Variants in CTTNBP2 observed in about 807,000 individuals in gnomAD.
CTTNBP2 encodes cortactin binding protein 2.
Under a neutral mutation model 156.9 loss-of-function variants are expected in CTTNBP2, and 108 were observed. The ratio of observed to expected loss-of-function variants is 0.69; its 90% CI spans 0.59 to 0.81. The LOEUF is 0.81. CTTNBP2 is among the 30% of genes least tolerant of loss of function. CTTNBP2 has a pLI of 0.00. For missense variants in CTTNBP2, 1,924 were observed against 2,035.4 expected, an observed-to-expected ratio of 0.95 and a Z score of 1.05; for synonymous variants, 767 against 751.8, an observed-to-expected ratio of 1.02 and a Z score of -0.33.
intron 12 of CTTNBP2, among the ~76,000 whole-genome samples, chr7:117,750,816 G>A (rs747266690): frequency 1.3e-5 from 2 of 152,160 alleles, no homozygotes; most frequent in Non-Finnish European, 2.9e-5. Context: ...AGATAGATAC[G>A]TAGGCAGATC....
intron 2 of CTTNBP2, among the ~76,000 whole-genome samples, chr7:117,854,366 G>C (rs995552000): frequency 5.3e-5 from 8 of 152,174 alleles, no homozygotes; most frequent in South Asian, 2.1e-4. Flanking sequence ...TAAAAAGCCA[G>C]ATTGTTATTC....
rs1796130610 is a variant in CTTNBP2, at chr7:117,743,518, G to T, written c.3535+2313C>A. Among the ~76,000 whole-genome samples, 3 of 151,970 alleles carry T rather than the reference G, an allele frequency of 2.0e-5. No individual in the cohort carries two copies. The South Asian group carries it at 6.3e-4, about 32-fold the overall frequency. ...TTTCATGTTTATAAATCAGGGATGG[G>T]ACTGTATCTGCCTCAGAAAGTTGTG... On this transcript the variant is annotated intron_variant, in intron 14 of 22. Transcript: ENST00000160373.
At chr7:117,746,179 CT>C (rs1242796789) in intron 12 of CTTNBP2, 80 bp from the exon 13 acceptor site, 3 of 914,020 alleles carry the variant, frequency 3.3e-6, no homozygotes, top group Admixed American at 2.0e-5. Flanking sequence ...GTGTGGAATT[CT>C]TTTTTGATTG....
intron 16 of CTTNBP2, 134 bp from the exon 17 acceptor site, chr7:117,728,401 G>T: frequency 1.5e-6 from 1 of 658,400 alleles, no homozygotes. Context: ...ACTTGGGATG[G>T]CTGAAGGAGG....
intron 2 of CTTNBP2, among the ~76,000 whole-genome samples, chr7:117,839,990 A>G (rs1376054753): frequency 1.3e-5 from 2 of 152,326 alleles, no homozygotes; most frequent in African/African-American, 2.4e-5. Flanking sequence ...CTCCAAATTT[A>G]TGTGGGATAT....
At chr7:117,805,083 A>G (rs1799851251) in intron 3 of CTTNBP2, among the ~76,000 whole-genome samples, 1 of 152,172 alleles carries the variant, frequency 6.6e-6, no homozygotes, top group Non-Finnish European at 1.5e-5. Context: ...TTTTTGAAGC[A>G]TGAACTAGGT....
At chr7:117,858,141 C>T (rs1404804071) in intron 2 of CTTNBP2, among the ~76,000 whole-genome samples, 1 of 152,178 alleles carries the variant, frequency 6.6e-6, no homozygotes, top group East Asian at 1.9e-4. Flanking sequence ...AAGGCCAAGG[C>T]GGGCAGATCA....
intron 1 of CTTNBP2, among the ~76,000 whole-genome samples, chr7:117,862,318 G>A (rs953974716): frequency 5.3e-5 from 8 of 151,728 alleles, no homozygotes; most frequent in African/African-American, 1.5e-4. Context: ...GGGGTGGGGT[G>A]GGGGGGCGGT....
At chr7:117,846,814 TA>T (rs1292460347) in intron 2 of CTTNBP2, among the ~76,000 whole-genome samples, 1 of 152,134 alleles carries the variant, frequency 6.6e-6, no homozygotes, top group African/African-American at 2.4e-5. Context: ...ACTGGCTTCT[TA>T]AACATTGTGA....
At chr7:117,752,362 G>GGTT (rs1796659494) in intron 12 of CTTNBP2, among the ~76,000 whole-genome samples, 1 of 151,854 alleles carries the variant, frequency 6.6e-6, no homozygotes, top group Admixed American at 6.6e-5. Flanking sequence ...TAAAACACGA[G>GGTT]GTTTCAAATA....
Position 117,746,026 on chromosome 7 carries a change from G to C in CTTNBP2, c.3422C>G (p.Ala1141Gly). 1 of 1,613,924 alleles carries C rather than the reference G, an allele frequency of 6.2e-7. No homozygotes were observed. The highest frequency in any genetic ancestry group is 8.5e-7 in the Non-Finnish European group (1 of 1,179,776). Reference sequence around the variant, plus strand: ...AGTAATCAATACCTTCAGGCAGAGTGCAAGCTGATGTACTATGTAGTCTTG... The same window carrying C: ...AGTAATCAATACCTTCAGGCAGAGTCCAAGCTGATGTACTATGTAGTCTTG... ...SLQDYIVHQL[A>G]LCLKHRQMAA... Residue 1141 changes from alanine (A) to glycine (G), a missense_variant, in exon 13 of 23, where the codon GCA becomes GGA. By Grantham distance (60) the Ala-to-Gly change is moderately conservative. Transcript: ENST00000160373.
intron 14 of CTTNBP2, among the ~76,000 whole-genome samples, chr7:117,744,278 C>T (rs57492911): frequency 6.6e-6 from 1 of 150,626 alleles, no homozygotes; most frequent in Admixed American, 6.6e-5. Context: ...CTCATTCATT[C>T]TTTCTATTTT....
chr7:117,822,790 T>G (rs988930643), intron 2 of CTTNBP2, among the ~76,000 whole-genome samples: 2 of 152,224 alleles, frequency 1.3e-5, no homozygotes, highest in African/African-American at 4.8e-5. Context: ...ATGCACCACA[T>G]GCACTTAACC....
intron 20 of CTTNBP2, among the ~76,000 whole-genome samples, chr7:117,720,536 A>G (rs1794725678): frequency 6.6e-6 from 1 of 152,150 alleles, no homozygotes; most frequent in Admixed American, 6.5e-5. Flanking sequence ...TCTACTAAAA[A>G]TACAAAAATT....
At chr7:117,766,358 T>C (rs892410414) in intron 9 of CTTNBP2, among the ~76,000 whole-genome samples, 1 of 152,222 alleles carries the variant, frequency 6.6e-6, no homozygotes, top group Non-Finnish European at 1.5e-5. Context: ...ACAGTTTGCA[T>C]ATATGCTTCC....
At chr7:117,712,738 C>A (rs1794126728) in intron 22 of CTTNBP2, among the ~76,000 whole-genome samples, 1 of 152,146 alleles carries the variant, frequency 6.6e-6, no homozygotes. Context: ...ATTGGAATCA[C>A]CTGGGGGAGC....
chr7:117,822,650 AC>A (rs1801036790), intron 2 of CTTNBP2, among the ~76,000 whole-genome samples: 1 of 152,218 alleles, frequency 6.6e-6, no homozygotes, highest in Admixed American at 6.5e-5. Flanking sequence ...TTTTAAATCC[AC>A]AGATACTTGG....
At chr7:117,778,283 GA>G (rs1289807940) in intron 7 of CTTNBP2, among the ~76,000 whole-genome samples, 1 of 152,050 alleles carries the variant, frequency 6.6e-6, no homozygotes, top group Non-Finnish European at 1.5e-5. Context: ...TAGACATAAA[GA>G]AAAAACAAAG....
At chr7:117,776,752 G>C (rs990273347) in intron 8 of CTTNBP2, among the ~76,000 whole-genome samples, 17 of 152,060 alleles carry the variant, frequency 1.1e-4, no homozygotes, top group African/African-American at 3.6e-4. Flanking sequence ...CTGCATTTCT[G>C]TACTGGTCCA....
Sources: allele counts gnomAD v4.1 joint callset (sites outside exome capture counted in the v4.1 genomes callset), GRCh38; gene constraint gnomAD v4.1.1; transcripts MANE v1.5; gene names NCBI Gene and HGNC (gene_info 2026-07-23, HGNC 2026-07-21).